PKD1L3: variants seen among roughly 807,000 people sequenced by gnomAD.
PKD1L3 encodes polycystin-1-like protein 3.
A neutral mutation model predicts 184.1 loss-of-function variants in PKD1L3; 239 were observed. The ratio of observed to expected loss-of-function variants is 1.30; its 90% CI spans 1.17 to 1.45. The LOEUF is 1.45. Ranked by LOEUF, PKD1L3 falls within the 40% of genes most tolerant of loss-of-function variation. The pLI, the probability that PKD1L3 is intolerant of heterozygous loss-of-function variation, is 0.00. For missense variants in PKD1L3, 2,660 were observed against 2,067.2 expected, an observed-to-expected ratio of 1.29 and a Z score of -5.56; for synonymous variants, 996 against 778.8, an observed-to-expected ratio of 1.28 and a Z score of -4.64.
chr16:71,942,834 C>G lies in PKD1L3; in HGVS notation c.4050G>C (p.Lys1350Asn), dbSNP rs2038408806. The change falls in exon 24 of 30, where the codon AAG becomes AAC. Residue 1350 changes from lysine to asparagine, a missense_variant. Lys to Asn is a moderately conservative substitution (Grantham distance 94, BLOSUM62 0). Coordinates refer to ENST00000620267, the MANE Select transcript of PKD1L3 (RefSeq NM_181536.2). ...AATGACTGGGCTCCAGGACTGCATTCTTACCTCTGTAATCCCCATACAGGC... is the reference window on the plus strand; with the variant it reads ...AATGACTGGGCTCCAGGACTGCATTGTTACCTCTGTAATCCCCATACAGGC... ...LPSLYGDYRG[K>N]NAVLEPSHCK... is the part of the protein sequence containing the mutation. 6.4e-7 allele frequency: 1 copy of G among 1,551,682 alleles called. No homozygotes were observed. Among genetic ancestry groups the G allele is most frequent in the Middle Eastern group, 1.7e-4 (1 of 5,992 alleles).
intron 2 of PKD1L3, among the ~76,000 whole-genome samples, chr16:71,996,951 A>ATT (rs35603184): frequency 5.4e-5 from 7 of 129,592 alleles, no homozygotes; most frequent in Non-Finnish European, 8.0e-5. Flanking sequence ...AATTGCTTTG[A>ATT]TTTTTTTTTT....
chr16:71,985,721 T>C (rs951178298), intron 5 of PKD1L3, among the ~76,000 whole-genome samples: 3 of 152,160 alleles, frequency 2.0e-5, no homozygotes, highest in African/African-American at 7.2e-5. Context: ...CGTGAGCCAC[T>C]GTGCCTGGCT....
chr16:71,946,554 G>A (rs1056481273), intron 22 of PKD1L3, among the ~76,000 whole-genome samples: 1 of 151,736 alleles, frequency 6.6e-6, no homozygotes, highest in African/African-American at 2.4e-5. Flanking sequence ...TCAGTTAGAG[G>A]GTAGGCCAGT....
chr16:71,968,836 T>A (rs1160144437), intron 13 of PKD1L3, among the ~76,000 whole-genome samples: 1 of 152,112 alleles, frequency 6.6e-6, no homozygotes, highest in African/African-American at 2.4e-5. Context: ...CCTCAAGCGA[T>A]CCACCTGCCT....
chr16:71,978,909 A>G (rs2040040545), intron 9 of PKD1L3, among the ~76,000 whole-genome samples: 1 of 152,188 alleles, frequency 6.6e-6, no homozygotes, highest in Non-Finnish European at 1.5e-5. Flanking sequence ...TTCCCCATTT[A>G]TAACCTCTAT....
At chr16:71,957,154 A>G (rs1483797051) in intron 16 of PKD1L3, among the ~76,000 whole-genome samples, 2 of 152,210 alleles carry the variant, frequency 1.3e-5, no homozygotes, top group African/African-American at 4.8e-5. Context: ...ACGACAAAAG[A>G]ATACGGTAGA....
rs1656171037 is a variant in PKD1L3 at position 71,979,818 on chromosome 16, G to T, written c.1366C>A (p.Leu456Ile). 4.0e-6 allele frequency: 6 copies of T among 1,513,002 alleles called. 1 individual carries two copies. The Admixed American group carries it at 1.4e-4, about 34-fold the overall frequency. The allele number at this position is 1,513,002 out of a possible 1,614,324, so 93.7% of individuals were successfully genotyped here. ...TTAACTCCTGGATGTTTATTCAAGA[G>T]CTCCTTCAAAGCTAAAGCCGACGGA... is the stretch of plus-strand genomic sequence containing the variant. ...GFPSALALKE[L>I]LNKHPGVNVQ... Residue 456 changes from leucine (L) to isoleucine (I), a missense_variant, in exon 9 of 30, where the codon CTC becomes ATC. Physicochemically the swap from Leu to Ile is conservative, Grantham distance 5. Coordinates refer to ENST00000620267, the MANE Select transcript of PKD1L3 (RefSeq NM_181536.2).
chr16:71,931,035 T>C (rs2037937620), intron 28 of PKD1L3: 1 of 152,262 alleles, frequency 6.6e-6, no homozygotes, highest in Non-Finnish European at 1.5e-5. Flanking sequence ...ATACAAGACT[T>C]ATTTCCAATA....
chr16:71,987,292 C>G (rs1461920102), intron 4 of PKD1L3, among the ~76,000 whole-genome samples: 1 of 151,750 alleles, frequency 6.6e-6, no homozygotes, highest in Non-Finnish European at 1.5e-5. Flanking sequence ...ACAATCATGG[C>G]TCCTTGCAGC....
chr16:71,933,269 G>A (rs1416238604), intron 28 of PKD1L3, 151 bp downstream of exon 28: 6 of 646,416 alleles, frequency 9.3e-6, no homozygotes, highest in Non-Finnish European at 1.7e-5. Flanking sequence ...TGTATGCATA[G>A]GCAGTACCAT....
At chr16:71,930,300 T>A in intron 28 of PKD1L3, 117 bp from the exon 29 acceptor site, 1 of 1,055,660 alleles carries the variant, frequency 9.5e-7, no homozygotes, top group Non-Finnish European at 1.3e-6. Flanking sequence ...CGAAGGAAAC[T>A]TAGGGAGAGA....
chr16:71,938,625 C>T (rs1360436423), intron 24 of PKD1L3, among the ~76,000 whole-genome samples: 1 of 152,218 alleles, frequency 6.6e-6, no homozygotes, highest in African/African-American at 2.4e-5. Flanking sequence ...TAAGCACACA[C>T]TTACTCCCCT....
At chr16:71,982,981 T>G (rs2040218517) in intron 6 of PKD1L3, among the ~76,000 whole-genome samples, 1 of 152,160 alleles carries the variant, frequency 6.6e-6, no homozygotes, top group Admixed American at 6.6e-5. Flanking sequence ...AAAGTTACAA[T>G]TTGACAGGGA....
Position 71,951,668 on chromosome 16 carries a change from C to G in PKD1L3, c.3086G>C (p.Ser1029Thr). ...LLSKCEQPPWSSWDITKLVKL... is the reference protein window; with the variant it reads ...LLSKCEQPPWTSWDITKLVKL... Reference sequence around the variant, plus strand: ...CACCAGCTTAGTAATGTCCCAAGAACTCCATGGCGGCTGCTCACACTTGGA... The same window carrying G: ...CACCAGCTTAGTAATGTCCCAAGAAGTCCATGGCGGCTGCTCACACTTGGA... Residue 1029 changes from serine to threonine, a missense_variant, in exon 19 of 30, where the codon AGT becomes ACT. Transcript: ENST00000620267. 6.4e-7 allele frequency: 1 copy of G among 1,551,704 alleles called. No homozygotes were observed. The highest frequency in any genetic ancestry group is 8.7e-7 in the Non-Finnish European group (1 of 1,146,968).
In PKD1L3 at chr16:71,942,476, A is replaced by G. The variant is rs2038394224; in HGVS notation, c.4324+84T>C. ...TGTACTCTTCCAGGAAGTTACCTTC[A>G]ATGAAACCACATTCCTGGTTTTGCA... is the stretch of plus-strand genomic sequence containing the variant. On this transcript the variant is annotated intron_variant, in intron 24 of 29. Coordinates refer to ENST00000620267, the MANE Select transcript of PKD1L3 (RefSeq NM_181536.2). 6 of 1,222,988 alleles carry G rather than the reference A, an allele frequency of 4.9e-6. No individual in the cohort carries two copies. In the South Asian group the frequency reaches 9.2e-5, roughly 19 times the overall value. 75.8% of individuals were successfully genotyped at this position (1,222,988 alleles called of 1,614,324 possible). A position where few individuals can be genotyped will look rare whatever the true frequency, so the allele number is the denominator to read the frequency against.
intron 12 of PKD1L3, among the ~76,000 whole-genome samples, chr16:71,972,993 G>C (rs555575166): frequency 2.4e-4 from 36 of 152,346 alleles, no homozygotes; most frequent in African/African-American, 7.7e-4. Context: ...CGTTTAGCAA[G>C]AGGTTTCATT....
chr16:71,929,545 A>G lies in PKD1L3; in HGVS notation c.5192T>C (p.Leu1731Pro). 1 of 1,550,608 alleles carries G rather than the reference A, an allele frequency of 6.4e-7. No homozygotes were observed. ...VGSDTEVLDE[L>P]P Reference sequence around the variant, plus strand: ...AAGTAGGAGATAACAGGATTAAGGTAGTTCATCTAAAACTTCAGTGTCACT... The same window carrying G: ...AAGTAGGAGATAACAGGATTAAGGTGGTTCATCTAAAACTTCAGTGTCACT... The change falls in exon 30 of 30, where the codon CTA becomes CCA. Residue 1731 changes from leucine (L) to proline (P), a missense_variant. Coordinates refer to ENST00000620267, the MANE Select transcript of PKD1L3 (RefSeq NM_181536.2).
rs1210556055 is a variant in PKD1L3, at chr16:71,943,025, C to A, written c.3860-1G>T. ...AACAGGGTAAGGAAGAGGATTTGTA[C>A]TTGTTTAGAAGAGGAAAAAAATGTC... On this transcript the variant is annotated splice_acceptor_variant, in intron 23 of 29. Coordinates refer to ENST00000620267, the MANE Select transcript of PKD1L3 (RefSeq NM_181536.2). LOFTEE classifies it high-confidence loss of function. 3.2e-6 allele frequency: 5 copies of A among 1,545,088 alleles called. No homozygotes were observed. The Admixed American group carries it at 7.9e-5, about 24-fold the overall frequency.
chr16:71,939,212 T>G (rs1274957365), intron 24 of PKD1L3, among the ~76,000 whole-genome samples: 1 of 152,360 alleles, frequency 6.6e-6, no homozygotes, highest in East Asian at 1.9e-4. Context: ...CCCAACTCAC[T>G]GCAGCAGCCA....
Sources: allele counts gnomAD v4.1 joint callset (sites outside exome capture counted in the v4.1 genomes callset), GRCh38; gene constraint gnomAD v4.1.1; transcripts MANE v1.5; gene names NCBI Gene and HGNC (gene_info 2026-07-23, HGNC 2026-07-21).